Variants in EYS observed in about 807,000 individuals in gnomAD.
EYS encodes protein eyes shut homolog.
In EYS, 250 loss-of-function variants were observed where a neutral mutation model predicts 282.1. That is an observed-to-expected ratio of 0.89 (90% CI 0.80 to 0.98). EYS has a LOEUF of 0.98. Ranked by LOEUF, EYS falls within the 50% of genes least tolerant of loss-of-function variation. EYS has a pLI of 0.00. For synonymous variants in EYS, 1,355 were observed against 1,282.9 expected (o/e 1.06, Z -1.20); for missense variants, 4,016 against 3,709.0 (o/e 1.08, Z -2.15).
intron 2 of EYS, among the ~76,000 whole-genome samples, chr6:65,562,005 T>C (rs1159520776): frequency 6.6e-6 from 1 of 151,346 alleles, no homozygotes. Flanking sequence ...GTAAAATTTT[T>C]TGTATATTAT....
chr6:64,234,236 T>C (rs1284887657), intron 30 of EYS, among the ~76,000 whole-genome samples: 1 of 150,676 alleles, frequency 6.6e-6, no homozygotes, highest in Non-Finnish European at 1.5e-5. Flanking sequence ...AAAATGCATA[T>C]ATCTCATGTA....
In EYS at chr6:65,329,990, G is replaced by T. The variant is rs188910945; in HGVS notation, c.1766+4990C>A. ...CAGAAAATGTGAATCTCCTAAAATA[G>T]CCTGTAAAGGAAACAGGTTAAATTT... On this transcript the variant is annotated intron_variant, in intron 11 of 42. Coordinates refer to ENST00000503581, the MANE Select transcript of EYS (RefSeq NM_001142800.2). 1.1e-3 allele frequency: 1,122 copies of T among 981,918 alleles called. 1 individual carries two copies. The highest frequency in any genetic ancestry group is 1.6e-3 in the Admixed American group (25 of 16,126). 60.8% of individuals were successfully genotyped at this position (981,918 alleles called of 1,614,324 possible). A position where few individuals can be genotyped will look rare whatever the true frequency, so the allele number is the denominator to read the frequency against.
intron 1 of EYS, among the ~76,000 whole-genome samples, chr6:65,678,796 G>A (rs1158001148): frequency 7.7e-6 from 1 of 129,238 alleles, no homozygotes. Context: ...ATGGGCAAAG[G>A]ACATGAAAAT....
At chr6:65,226,748 G>A (rs1333550491) in intron 12 of EYS, among the ~76,000 whole-genome samples, 1 of 152,168 alleles carries the variant, frequency 6.6e-6, no homozygotes, top group East Asian at 1.9e-4. Context: ...ATTACTGTAT[G>A]ACCCAAGAAT....
At chr6:64,939,937 G>T (rs1242851323) in intron 15 of EYS, among the ~76,000 whole-genome samples, 1 of 151,896 alleles carries the variant, frequency 6.6e-6, no homozygotes, top group Non-Finnish European at 1.5e-5. Context: ...ACAAAACCAG[G>T]AACATCACCC....
At chr6:63,851,985 G>T (rs1051863801) in intron 36 of EYS, among the ~76,000 whole-genome samples, 1 of 151,568 alleles carries the variant, frequency 6.6e-6, no homozygotes, top group Non-Finnish European at 1.5e-5. Context: ...GTGAAACCCC[G>T]TCTCTACTAA....
chr6:64,009,609 A>T lies in EYS; in HGVS notation c.6726-10426T>A, dbSNP rs917756114. On this transcript the variant is annotated intron_variant, in intron 33 of 42. Transcript: ENST00000503581. Reference sequence around the variant, plus strand: ...AGCTTGGTTCTTTCTTAAAATGACCATTTCATCTTTCATCTCCTGTATCTT... The same window carrying T: ...AGCTTGGTTCTTTCTTAAAATGACCTTTTCATCTTTCATCTCCTGTATCTT... Among the ~76,000 whole-genome samples, 7 of 152,126 alleles carry T rather than the reference A, an allele frequency of 4.6e-5. No individual in the cohort carries two copies. In the East Asian group the frequency reaches 1.4e-3, roughly 29 times the overall value.
At chr6:64,527,748 A>T (rs868720122) in intron 26 of EYS, among the ~76,000 whole-genome samples, 54 of 151,864 alleles carry the variant, frequency 3.6e-4, no homozygotes, top group Admixed American at 7.2e-4. Flanking sequence ...ACCATAAATA[A>T]AAAATAAAAT....
At chr6:64,071,325 T>C (rs1771566119) in intron 32 of EYS, among the ~76,000 whole-genome samples, 1 of 151,978 alleles carries the variant, frequency 6.6e-6, no homozygotes, top group Non-Finnish European at 1.5e-5. Context: ...AGAAAACTAA[T>C]AATAATTCAC....
chr6:65,026,282 G>A (rs1261948569), intron 13 of EYS, among the ~76,000 whole-genome samples: 1 of 152,172 alleles, frequency 6.6e-6, no homozygotes, highest in Non-Finnish European at 1.5e-5. Flanking sequence ...GGCTGGAACT[G>A]CACTGTAGAC....
intron 35 of EYS, among the ~76,000 whole-genome samples, chr6:63,949,855 A>G (rs1765515676): frequency 6.6e-6 from 1 of 152,170 alleles, no homozygotes; most frequent in African/African-American, 2.4e-5. Context: ...TCCTTATAAA[A>G]CAAACCAGTC....
In EYS at chr6:64,036,501, T is replaced by C. The variant is rs1770128289; in HGVS notation, c.6725+29837A>G. 1.3e-5 allele frequency among the ~76,000 whole-genome samples: 2 copies of C among 152,344 alleles called. 1 individual carries two copies. Among genetic ancestry groups the C allele is most frequent in the South Asian group, 4.1e-4 (2 of 4,828 alleles). On this transcript the variant is annotated intron_variant, in intron 33 of 42. Coordinates refer to ENST00000503581, the MANE Select transcript of EYS (RefSeq NM_001142800.2). ...TATTCTGGAATAATGTGGAACAATT[T>C]TAATCTTAATCTTATGGAAGATGGA...
At chr6:65,635,936 A>G (rs979623608) in intron 2 of EYS, among the ~76,000 whole-genome samples, 2 of 152,200 alleles carry the variant, frequency 1.3e-5, no homozygotes, top group African/African-American at 2.4e-5. Context: ...CCCTTCCCTC[A>G]AACTGTCTTT....
chr6:65,238,364 G>A (rs1766978272), intron 12 of EYS, among the ~76,000 whole-genome samples: 1 of 151,418 alleles, frequency 6.6e-6, no homozygotes, highest in Non-Finnish European at 1.5e-5. Context: ...ACTGTCACTT[G>A]TCAGAAGAAA....
intron 18 of EYS, among the ~76,000 whole-genome samples, chr6:64,898,151 C>T (rs563465288): frequency 3.6e-4 from 54 of 152,064 alleles, no homozygotes; most frequent in Middle Eastern, 3.4e-3. Context: ...GGCACATAAT[C>T]GTCATGTTCA....
intron 29 of EYS, among the ~76,000 whole-genome samples, chr6:64,351,529 C>T (rs554031493): frequency 1.9e-4 from 29 of 151,308 alleles, no homozygotes; most frequent in Non-Finnish European, 3.8e-4. Flanking sequence ...TGACTATCCG[C>T]CTATAGATAG....
chr6:63,772,758 T>C lies in EYS; in HGVS notation c.7898+5248A>G, dbSNP rs12207546. On this transcript the variant is annotated intron_variant, in intron 40 of 42. Coordinates refer to ENST00000503581, the MANE Select transcript of EYS (RefSeq NM_001142800.2). ...GTGAAACATTTTACCTGGTTCCAAA[T>C]AAAAACTGTAAAGCAAATTATAGTT... Among the ~76,000 whole-genome samples the C allele has an allele frequency of 1.5e-3, 226 of 152,244 alleles. 2 individuals carry two copies. Among genetic ancestry groups the C allele is most frequent in the Middle Eastern group, 7.0e-3 (2 of 284 alleles).
intron 11 of EYS, chr6:65,331,438 A>C: frequency 1.3e-6 from 1 of 798,886 alleles, no homozygotes; most frequent in African/African-American, 1.8e-5. Flanking sequence ...TCACACATAT[A>C]ATTTCTAGAT....
chr6:64,606,734 A>G (rs2149841423), intron 24 of EYS, among the ~76,000 whole-genome samples: 1 of 152,148 alleles, frequency 6.6e-6, no homozygotes, highest in Admixed American at 6.5e-5. Context: ...AAAGTCTTTG[A>G]AGCTAGTCTT....
Sources: gnomAD v4.1 joint callset for allele counts (sites outside exome capture counted in the v4.1 genomes callset) on GRCh38, gnomAD v4.1.1 for gene constraint, MANE v1.5 for transcripts, NCBI Gene and HGNC (gene_info 2026-07-23, HGNC 2026-07-21) for gene names.